Variants in MTERF4 observed in about 807,000 individuals in gnomAD.
MTERF4 encodes the protein mitochondrial transcription termination factor 4.
Under a neutral mutation model 22.5 loss-of-function variants are expected in MTERF4, and 17 were observed. That is an observed-to-expected ratio of 0.75 (90% CI 0.52 to 1.13). The LOEUF (loss-of-function observed/expected upper bound fraction) is 1.13, where lower values mean the gene tolerates loss of function less well. Among genes scored for constraint, MTERF4 ranks in the 50% most tolerant of loss-of-function variants. The pLI is 0.00. For missense variants in MTERF4, 420 were observed against 466.8 expected (o/e 0.90, Z 0.92); for synonymous variants, 165 against 175.3 (o/e 0.94, Z 0.47).
downstream of MTERF4, chr2:241,072,088 G>A (rs972973393): frequency 1.0e-5 from 7 of 701,242 alleles, no homozygotes; most frequent in African/African-American, 1.2e-4. Context: ...GCTCGTGAGG[G>A]CCTCACGTCA....
At chr2:241,071,868 C>T (rs765449371), downstream of MTERF4, 5 of 1,600,552 alleles carry the variant, frequency 3.1e-6, no homozygotes, top group Non-Finnish European at 3.4e-6. Flanking sequence ...AAGCAGCCAC[C>T]GTGAGATCAC....
At chr2:241,080,302 CTTGT>C (rs2125296968) in intron 4 of MTERF4, among the ~76,000 whole-genome samples, 1 of 152,072 alleles carries the variant, frequency 6.6e-6, no homozygotes, top group African/African-American at 2.4e-5. Context: ...TAAATAAAAT[CTTGT>C]TTGTCTTTTG....
chr2:241,047,146 CA>C, the MTERF4 span, among the ~76,000 whole-genome samples: 7,020 of 68,198 alleles, frequency 0.1, 296 homozygotes, highest in East Asian at 0.25. Flanking sequence ...GAGACTCTGT[CA>C]AAAAAAAAAA....
At chr2:241,081,775 G>C in intron 4 of MTERF4, 1 of 1,594,190 alleles carries the variant, frequency 6.3e-7, no homozygotes, top group Middle Eastern at 1.7e-4. Flanking sequence ...AGGGTTCAAA[G>C]GCAGACGCTG....
chr2:241,053,104 G>A, the MTERF4 span: 1 of 1,557,044 alleles, frequency 6.4e-7, no homozygotes, highest in Non-Finnish European at 8.7e-7. Context: ...CGGTGGGGAG[G>A]GGCCAGGAAG....
the MTERF4 span, chr2:241,065,710 AG>A: frequency 1.1e-6 from 1 of 891,766 alleles, no homozygotes; most frequent in Non-Finnish European, 1.7e-6. Context: ...TTCTTGCAGC[AG>A]CAAGACAGAC....
At chr2:241,077,786 A>C (rs1389862527) in intron 4 of MTERF4, among the ~76,000 whole-genome samples, 1 of 152,202 alleles carries the variant, frequency 6.6e-6, no homozygotes, top group East Asian at 1.9e-4. Flanking sequence ...ATGCACATCA[A>C]AACCACTAGG....
chr2:241,067,386 T>C (rs1303556661), downstream of MTERF4, among the ~76,000 whole-genome samples: 1 of 152,168 alleles, frequency 6.6e-6, no homozygotes, highest in African/African-American at 2.4e-5. Flanking sequence ...GGATGTGTGC[T>C]CTTAGACCAA....
chr2:241,070,028 A>G (rs2062630894), downstream of MTERF4: 1 of 1,612,852 alleles, frequency 6.2e-7, no homozygotes, highest in South Asian at 1.1e-5. Context: ...TATGTCATCA[A>G]TGTGACCACC....
chr2:241,086,176 G>A (rs549894974), downstream of MTERF4, among the ~76,000 whole-genome samples: 61 of 152,104 alleles, frequency 4.0e-4, no homozygotes, highest in Non-Finnish European at 7.5e-4. Flanking sequence ...CCTGTCTGGG[G>A]TTTCTATGGA....
chr2:241,077,893 A>G (rs2063104411), intron 4 of MTERF4, among the ~76,000 whole-genome samples: 1 of 152,202 alleles, frequency 6.6e-6, no homozygotes, highest in African/African-American at 2.4e-5. Context: ...AAAGTGGTAC[A>G]GCTGCTCTGG....
At chr2:241,089,573 G>A (rs1025688075), downstream of MTERF4, among the ~76,000 whole-genome samples, 1 of 152,142 alleles carries the variant, frequency 6.6e-6, no homozygotes, top group Non-Finnish European at 1.5e-5. Flanking sequence ...TTCGGATGTG[G>A]AAAGTCTCTC....
downstream of MTERF4, chr2:241,071,515 G>A: frequency 6.5e-7 from 1 of 1,536,654 alleles, no homozygotes; most frequent in Non-Finnish European, 8.7e-7. Context: ...CATGCCACAG[G>A]GGCAGGGACA....
At chr2:241,048,214 C>G in the MTERF4 span, 6 of 1,353,936 alleles carry the variant, frequency 4.4e-6, no homozygotes, top group Non-Finnish European at 5.9e-6. Flanking sequence ...TTGGGAATGA[C>G]AACAGAGGTG....
the MTERF4 span, among the ~76,000 whole-genome samples, chr2:241,066,258 G>A: frequency 1.0e-3 from 153 of 152,288 alleles, no homozygotes; most frequent in Non-Finnish European, 1.9e-3. Flanking sequence ...GGTTGTTGCC[G>A]TGTCGGGGAG....
the MTERF4 span, among the ~76,000 whole-genome samples, chr2:241,054,751 AAGTT>A: frequency 6.6e-5 from 10 of 152,366 alleles, no homozygotes; most frequent in South Asian, 1.0e-3. Flanking sequence ...GATGAAGAGT[AAGTT>A]AGTGAGTTGA....
chr2:241,048,250 G>A, the MTERF4 span: 3 of 1,499,340 alleles, frequency 2.0e-6, no homozygotes, highest in Non-Finnish European at 1.8e-6. Context: ...CATTGGAGCT[G>A]GGCGGGGAGA....
chr2:241,050,551 T>A, the MTERF4 span, among the ~76,000 whole-genome samples: 1 of 152,124 alleles, frequency 6.6e-6, no homozygotes. Context: ...TGTGGAGCCT[T>A]CCACGGCCCC....
the MTERF4 span, chr2:241,052,287 G>A: frequency 3.4e-6 from 5 of 1,464,098 alleles, no homozygotes; most frequent in Non-Finnish European, 4.7e-6. Context: ...GCAGGAGGCA[G>A]GATGCCCCAC....
Sources: allele counts gnomAD v4.1 joint callset (sites outside exome capture counted in the v4.1 genomes callset), GRCh38; gene constraint gnomAD v4.1.1; transcripts MANE v1.5; gene names NCBI Gene and HGNC (gene_info 2026-07-23, HGNC 2026-07-21).